The following SCD5 variants were observed in gnomAD, a reference collection of about 807,000 sequenced individuals.
SCD5 encodes the protein acyl-CoA-desaturase 4.
In SCD5, 20 loss-of-function variants were observed where a neutral mutation model predicts 30.4. That is an observed-to-expected ratio of 0.66 (90% CI 0.46 to 0.96). The LOEUF is 0.96. Ranked by LOEUF, SCD5 falls within the 40% of genes least tolerant of loss-of-function variation. The pLI is 0.00. For synonymous variants in SCD5, 173 were observed against 176.4 expected (o/e 0.98, Z 0.16); for missense variants, 381 against 443.3 (o/e 0.86, Z 1.26).
At chr4:82,720,904 C>A (rs1236906779) in intron 1 of SCD5, among the ~76,000 whole-genome samples, 1 of 152,220 alleles carries the variant, frequency 6.6e-6, no homozygotes, top group African/African-American at 2.4e-5. Flanking sequence ...GTAATCCCAG[C>A]ACTTCAGGAC....
intron 4 of SCD5, among the ~76,000 whole-genome samples, chr4:82,632,970 A>G (rs1727352781): frequency 6.6e-6 from 1 of 152,210 alleles, no homozygotes; most frequent in South Asian, 2.1e-4. Flanking sequence ...GCATTACCTC[A>G]CACACTTATG....
At chr4:82,798,034 A>T (rs1276934303) in intron 1 of SCD5, among the ~76,000 whole-genome samples, 1 of 140,752 alleles carries the variant, frequency 7.1e-6, no homozygotes, top group Non-Finnish European at 1.5e-5. Flanking sequence ...CCGGCTCTCC[A>T]TCGGGAAGCC....
chr4:82,716,163 T>C (rs1247870582), intron 1 of SCD5, among the ~76,000 whole-genome samples: 1 of 151,704 alleles, frequency 6.6e-6, no homozygotes, highest in African/African-American at 2.4e-5. Context: ...TTCCTTTCCC[T>C]CAAATAACAC....
At chr4:82,656,581 A>G (rs1260086706) in intron 3 of SCD5, among the ~76,000 whole-genome samples, 1 of 152,204 alleles carries the variant, frequency 6.6e-6, no homozygotes. Flanking sequence ...GTGTCTTTAT[A>G]GTAGAATGAT....
intron 3 of SCD5, among the ~76,000 whole-genome samples, chr4:82,654,409 T>C (rs571876065): frequency 6.6e-6 from 1 of 152,222 alleles, no homozygotes; most frequent in African/African-American, 2.4e-5. Context: ...TTTTACTCTT[T>C]GTAATTTTCA....
At chr4:82,784,808 C>T (rs1310449877) in intron 1 of SCD5, among the ~76,000 whole-genome samples, 2 of 152,114 alleles carry the variant, frequency 1.3e-5, no homozygotes, top group African/African-American at 2.4e-5. Flanking sequence ...TATCTGACAA[C>T]CCACAGGGCA....
chr4:82,696,686 G>T (rs566826984), intron 2 of SCD5, among the ~76,000 whole-genome samples: 2 of 152,264 alleles, frequency 1.3e-5, no homozygotes, highest in African/African-American at 4.8e-5. Context: ...AAGGCAGCTG[G>T]GGGAGAAATC....
intron 1 of SCD5, among the ~76,000 whole-genome samples, chr4:82,744,068 C>A (rs921807334): frequency 6.6e-6 from 1 of 152,102 alleles, no homozygotes; most frequent in African/African-American, 2.4e-5. Flanking sequence ...TCAACAGATC[C>A]GCCTGCCTCA....
At chr4:82,689,857 G>A (rs1434239710) in intron 2 of SCD5, among the ~76,000 whole-genome samples, 2 of 152,128 alleles carry the variant, frequency 1.3e-5, no homozygotes, top group African/African-American at 4.8e-5. Flanking sequence ...CTTTTTCAAT[G>A]CTGAGGAGGA....
chr4:82,712,275 TA>T (rs1720117038), intron 1 of SCD5, among the ~76,000 whole-genome samples: 6 of 50,584 alleles, frequency 1.2e-4, no homozygotes, highest in African/African-American at 7.2e-4. Flanking sequence ...TATATATATA[TA>T]TATATATATA....
At chr4:82,638,835 T>C (rs1454333394) in intron 3 of SCD5, among the ~76,000 whole-genome samples, 1 of 152,234 alleles carries the variant, frequency 6.6e-6, no homozygotes, top group Non-Finnish European at 1.5e-5. Flanking sequence ...CACTATGTGC[T>C]TACCATATGC....
intron 1 of SCD5, among the ~76,000 whole-genome samples, chr4:82,797,583 G>A (rs1722251993): frequency 6.6e-6 from 1 of 152,088 alleles, no homozygotes; most frequent in Admixed American, 6.5e-5. Context: ...CATGGGAACA[G>A]GGTTTGGAGA....
At chr4:82,776,323 C>T (rs895644384) in intron 1 of SCD5, among the ~76,000 whole-genome samples, 1 of 152,118 alleles carries the variant, frequency 6.6e-6, no homozygotes. Context: ...CAATCATATC[C>T]TTGGCCTCCC....
At chr4:82,664,077 G>C (rs889787849) in intron 3 of SCD5, among the ~76,000 whole-genome samples, 5 of 152,142 alleles carry the variant, frequency 3.3e-5, no homozygotes, top group African/African-American at 1.2e-4. Flanking sequence ...CTTTGTGTAG[G>C]AGCAAGAGCA....
chr4:82,635,385 C>T lies in SCD5; in HGVS notation c.802+1206G>A, dbSNP rs60040454. Reference sequence around the variant, plus strand: ...CTGTAATCCCAGCACTTTGGGAGGCCGAGGCAGGCGGATCATGAGGTCAGG... The same window carrying T: ...CTGTAATCCCAGCACTTTGGGAGGCTGAGGCAGGCGGATCATGAGGTCAGG... On this transcript the variant is annotated intron_variant, in intron 4 of 4. Coordinates refer to ENST00000319540, the MANE Select transcript of SCD5 (RefSeq NM_001037582.3). Among the ~76,000 whole-genome samples the T allele has an allele frequency of 2.2e-3, 340 of 151,986 alleles. 5 individuals are homozygous for T. The highest frequency in any genetic ancestry group is 7.9e-3 in the African/African-American group (327 of 41,438).
intron 1 of SCD5, among the ~76,000 whole-genome samples, chr4:82,714,593 G>C (rs879716253): frequency 6.6e-6 from 1 of 152,092 alleles, no homozygotes; most frequent in South Asian, 2.1e-4. Context: ...TGGCTCCAGG[G>C]CAGGGGGCTG....
At chr4:82,747,068 T>TCCCCC (rs772385416) in intron 1 of SCD5, among the ~76,000 whole-genome samples, 1 of 81,184 alleles carries the variant, frequency 1.2e-5, no homozygotes, top group Non-Finnish European at 3.6e-5. Context: ...CTGGGCAACC[T>TCCCCC]GCCCCCCAAG....
At chr4:82,754,021 T>C (rs1413042731) in intron 1 of SCD5, among the ~76,000 whole-genome samples, 1 of 152,104 alleles carries the variant, frequency 6.6e-6, no homozygotes, top group Non-Finnish European at 1.5e-5. Flanking sequence ...TCCCACAAGA[T>C]AACGCAGTCT....
At chr4:82,778,127 A>T (rs1017740836) in intron 1 of SCD5, among the ~76,000 whole-genome samples, 1 of 152,264 alleles carries the variant, frequency 6.6e-6, no homozygotes, top group Admixed American at 6.5e-5. Context: ...ACAGAAAACC[A>T]AACACCACAC....
Sources: allele counts gnomAD v4.1 joint callset (sites outside exome capture counted in the v4.1 genomes callset), GRCh38; gene constraint gnomAD v4.1.1; transcripts MANE v1.5; gene names NCBI Gene and HGNC (gene_info 2026-07-23, HGNC 2026-07-21).